DST: variants seen among roughly 807,000 people sequenced by gnomAD.
The protein encoded by DST is bullous pemphigoid antigen.
DST carries 253 observed loss-of-function variants against 875.2 expected under a neutral mutation model. The observed-to-expected ratio is 0.29, with a 90% CI of 0.26 to 0.32. The LOEUF is 0.32. Ranked by LOEUF, DST falls within the 10% of genes least tolerant of loss-of-function variation. The probability of loss-of-function intolerance (pLI) is 1.00; values close to 1 mark genes in which losing one functional copy is unlikely to be tolerated. For missense variants in DST, 8,287 were observed against 9,111.6 expected, an observed-to-expected ratio of 0.91 and a Z score of 3.68; for synonymous variants, 3,124 against 3,197.1, an observed-to-expected ratio of 0.98 and a Z score of 0.77.
chr6:56,851,998 C>T (rs1765532723), intron 3 of DST: 2 of 1,443,020 alleles, frequency 1.4e-6, no homozygotes, highest in Non-Finnish European at 1.8e-6. Context: ...TTTTCCATTA[C>T]TAGCCTGCTG....
At position 56,603,699 on chromosome 6, in the gene DST, T is replaced by A. The variant is rs1480419495; in HGVS notation, c.10806A>T (p.Leu3602Phe). ...TTTCAGTGTGCTGTAAACACTGCTGTAATTCACTGGAAAACTAAAAACAAA... is the reference window on the plus strand; with the variant it reads ...TTTCAGTGTGCTGTAAACACTGCTGAAATTCACTGGAAAACTAAAAACAAA... ...DSSTEQFSSE[L>F]QQCLQHTEKM... The change falls in exon 41 of 104, where the codon TTA becomes TTT. Residue 3602 changes from leucine to phenylalanine, a missense_variant. By Grantham distance (22) the Leu-to-Phe change is conservative. Coordinates refer to ENST00000680361, the MANE Select transcript of DST (RefSeq NM_001374736.1). The A allele has an allele frequency of 6.3e-7, 1 of 1,596,232 alleles. No individual in the cohort carries two copies. Among genetic ancestry groups the A allele is most frequent in the Admixed American group, 1.8e-5 (1 of 54,882 alleles).
At chr6:56,701,996 G>T in intron 7 of DST, 31 bp from the exon 8 acceptor site, 2 of 1,378,116 alleles carry the variant, frequency 1.5e-6, no homozygotes, top group Admixed American at 3.5e-5. Flanking sequence ...GTATGAAAAA[G>T]AGTTTCTGTT....
chr6:56,729,584 GCGA>G (rs1186787499), intron 5 of DST, among the ~76,000 whole-genome samples: 1 of 148,576 alleles, frequency 6.7e-6, no homozygotes, highest in Non-Finnish European at 1.5e-5. Context: ...TCCAGCCTGG[GCGA>G]CAAGAGCAAA....
rs758599939 is a variant in DST, at chr6:56,619,556, GC to G, written c.4929+4973del. The stretch of plus-strand genomic sequence containing the variant: ...AATATTCTTCTCAGCTACAGCATGT[GC>G]CCTTGTGATTCTGTCTACTTCTCTT... On this transcript the variant is annotated intron_variant, in intron 36 of 103. Transcript: ENST00000680361. 20 of 1,613,650 alleles carry G rather than the reference GC, an allele frequency of 1.2e-5. No homozygotes were observed. The highest frequency in any genetic ancestry group is 1.6e-5 in the Non-Finnish European group (19 of 1,179,912).
At chr6:56,744,258 G>A (rs2099561947) in intron 4 of DST, among the ~76,000 whole-genome samples, 1 of 152,028 alleles carries the variant, frequency 6.6e-6, no homozygotes, top group South Asian at 2.1e-4. Flanking sequence ...GGAGGGAGGG[G>A]AGCTGCAATG....
intron 2 of DST, among the ~76,000 whole-genome samples, chr6:56,908,027 C>A (rs1419936748): frequency 6.6e-6 from 1 of 151,986 alleles, no homozygotes; most frequent in African/African-American, 2.4e-5. Flanking sequence ...CAAGATTGCA[C>A]CACTGCACTC....
intron 22 of DST, 168 bp downstream of exon 22, chr6:56,639,091 G>A: frequency 1.5e-6 from 1 of 663,950 alleles, no homozygotes. Context: ...GACATACTTA[G>A]AGCCAGAGAA....
intron 3 of DST, among the ~76,000 whole-genome samples, chr6:56,893,562 C>CTTTTTTTTTTTTTTTTTTTTTTTTTT (rs1282483681): frequency 5.8e-4 from 21 of 35,900 alleles, no homozygotes; most frequent in East Asian, 2.3e-3. Context: ...ACTTTTAGTT[C>CTTTTTTTTTTTTTTTTTTTTTTTTTT]TTTTTTTTTT....
At chr6:56,837,113 A>G (rs1228526245) in intron 4 of DST, among the ~76,000 whole-genome samples, 1 of 152,144 alleles carries the variant, frequency 6.6e-6, no homozygotes, top group African/African-American at 2.4e-5. Flanking sequence ...CATTAAATAG[A>G]GCATTCCAGT....
intron 9 of DST, among the ~76,000 whole-genome samples, chr6:56,675,624 C>A (rs2099124422): frequency 6.6e-6 from 1 of 152,172 alleles, no homozygotes; most frequent in Admixed American, 6.5e-5. Flanking sequence ...TAGGCCAAGG[C>A]AGGCAGATCA....
chr6:56,866,511 A>G (rs1435186467), intron 3 of DST, among the ~76,000 whole-genome samples: 9 of 152,200 alleles, frequency 5.9e-5, no homozygotes, highest in Non-Finnish European at 1.2e-4. Flanking sequence ...GATAAAATCC[A>G]AAGCCTGCAC....
At chr6:56,807,810 T>C (rs1286142373) in intron 4 of DST, among the ~76,000 whole-genome samples, 1 of 152,192 alleles carries the variant, frequency 6.6e-6, no homozygotes, top group Non-Finnish European at 1.5e-5. Context: ...TTTATAATCT[T>C]GAGTTAGGCA....
chr6:56,916,778 T>TCTCTCTCTCTCTCTCTCACACA (rs1470233953), intron 2 of DST, among the ~76,000 whole-genome samples: 12 of 91,342 alleles, frequency 1.3e-4, no homozygotes, highest in African/African-American at 6.1e-4. Flanking sequence ...TCTCTCTCTC[T>TCTCTCTCTCTCTCTCTCACACA]CACACACACA....
chr6:56,900,697 C>G, intron 2 of DST, 76 bp from the exon 3 acceptor site: 1 of 1,121,542 alleles, frequency 8.9e-7, no homozygotes. Context: ...GCTAGTTATA[C>G]AAAGAGCTCC....
At chr6:56,769,187 A>C (rs1426383784) in intron 4 of DST, among the ~76,000 whole-genome samples, 1 of 152,232 alleles carries the variant, frequency 6.6e-6, no homozygotes, top group African/African-American at 2.4e-5. Context: ...AAATAAGCAT[A>C]TAAAAAGATG....
chr6:56,469,583 A>G (rs2094778727), intron 97 of DST, among the ~76,000 whole-genome samples: 1 of 152,162 alleles, frequency 6.6e-6, no homozygotes, highest in Non-Finnish European at 1.5e-5. Context: ...TCTAATCATA[A>G]CAAAATATAA....
intron 2 of DST, among the ~76,000 whole-genome samples, chr6:56,942,154 T>G (rs1816937412): frequency 6.6e-6 from 1 of 152,190 alleles, no homozygotes; most frequent in South Asian, 2.1e-4. Context: ...TTCTTATGAT[T>G]ATTGTTTGCA....
intron 2 of DST, among the ~76,000 whole-genome samples, chr6:56,934,266 C>G (rs1198973315): frequency 1.3e-5 from 2 of 151,946 alleles, no homozygotes; most frequent in Non-Finnish European, 2.9e-5. Context: ...AATTCTCCCC[C>G]TCCTCAGCCC....
rs1456527962 is a variant in DST at position 56,562,216 on chromosome 6, C to T, written c.14006-16G>A. 12 of 1,506,176 alleles carry T rather than the reference C, an allele frequency of 8.0e-6. No individual in the cohort carries two copies. The highest frequency in any genetic ancestry group is 1.1e-5 in the Non-Finnish European group (12 of 1,119,008). 93.3% of individuals were successfully genotyped at this position (1,506,176 alleles called of 1,614,324 possible). On this transcript the variant is annotated splice_polypyrimidine_tract_variant and intron_variant, in intron 55 of 103. Coordinates refer to ENST00000680361, the MANE Select transcript of DST (RefSeq NM_001374736.1). ...ACTGCTCCACCTGCAAAAATAGTAA[C>T]ACTAAAATAATCACAGTTTCATAGT...
Sources: gnomAD v4.1 joint callset for allele counts (sites outside exome capture counted in the v4.1 genomes callset) on GRCh38, gnomAD v4.1.1 for gene constraint, MANE v1.5 for transcripts, NCBI Gene and HGNC (gene_info 2026-07-23, HGNC 2026-07-21) for gene names.